The following ANXA6 variants were observed in gnomAD, a reference collection of about 807,000 sequenced individuals.
ANXA6 encodes the protein 67 kDa calelectrin.
ANXA6 carries 71 observed loss-of-function variants against 95.4 expected under a neutral mutation model. The ratio of observed to expected loss-of-function variants is 0.74; its 90% confidence interval spans 0.61 to 0.91. The LOEUF (loss-of-function observed/expected upper bound fraction) is 0.91, where lower values mean the gene tolerates loss of function less well. ANXA6 is among the 40% of genes least tolerant of loss of function. ANXA6 has a pLI of 0.00. For missense variants in ANXA6, 830 were observed against 876.4 expected (o/e 0.95, Z 0.67); for synonymous variants, 289 against 315.9 (o/e 0.91, Z 0.90).
chr5:151,108,179 A>G (rs957008501), intron 23 of ANXA6, among the ~76,000 whole-genome samples: 1 of 151,460 alleles, frequency 6.6e-6, no homozygotes, highest in African/African-American at 2.4e-5. Context: ...GTGTGTATAC[A>G]CCCTAGTTGT....
chr5:151,151,485 C>T (rs1027135829), intron 1 of ANXA6: 1 of 152,190 alleles, frequency 6.6e-6, no homozygotes, highest in Admixed American at 6.5e-5. Flanking sequence ...AGTCCCCACA[C>T]AACTGTGGGT....
Position 151,122,248 on chromosome 5 carries a change from C to T in ANXA6, c.1246G>A (p.Asp416Asn), listed in dbSNP as rs760463233. The change falls in exon 17 of 26, where the codon GAC (aspartate) becomes AAC (asparagine). Residue 416 changes from aspartate to asparagine, a missense_variant. By Grantham distance (23) the Asp-to-Asn change is conservative. Coordinates refer to ENST00000354546, the MANE Select transcript of ANXA6 (RefSeq NM_001155.5). ...TCTCCAGAGATCTCAGACTTCAGGT[C>T]AGTCATTAAGTCCTGCAAAGGGCAG... ...KSHFGRDLMTDLKSEISGDLA... is the reference protein window; with the variant it reads ...KSHFGRDLMTNLKSEISGDLA... 1.1e-4 allele frequency: 175 copies of T among 1,603,334 alleles called. No homozygotes were observed. The highest frequency in any genetic ancestry group is 1.7e-4 in the Middle Eastern group (1 of 6,060).
chr5:151,153,851 A>G (rs1321965449), intron 1 of ANXA6, among the ~76,000 whole-genome samples: 1 of 152,208 alleles, frequency 6.6e-6, no homozygotes, highest in Non-Finnish European at 1.5e-5. Flanking sequence ...TCATTGATTA[A>G]TAAGTAGAAC....
Position 151,138,774 on chromosome 5 carries a change from T to C in ANXA6, c.222A>G (p.Leu74=). 6.2e-7 allele frequency: 1 copy of C among 1,613,548 alleles called. No homozygotes were observed. The highest frequency in any genetic ancestry group is 2.2e-5 in the East Asian group (1 of 44,892). ...SLYGKDLIAD[L]KYELTGKFER... ...CAAACTTGCCCGTCAATTCATACTTTAAATCAGCAATGAGGTCCTGGCAGG... is the reference window on the plus strand; with the variant it reads ...CAAACTTGCCCGTCAATTCATACTTCAAATCAGCAATGAGGTCCTGGCAGG... The change falls in exon 5 of 26, where the codon TTA becomes TTG. Residue 74 remains leucine (L), a synonymous_variant. Coordinates refer to ENST00000354546, the MANE Select transcript of ANXA6 (RefSeq NM_001155.5).
intron 2 of ANXA6, among the ~76,000 whole-genome samples, chr5:151,142,404 G>A (rs1765861625): frequency 6.6e-6 from 1 of 152,036 alleles, no homozygotes; most frequent in Non-Finnish European, 1.5e-5. Flanking sequence ...CTTGAACCTG[G>A]GAGGCAGAGG....
chr5:151,127,789 CA>C (rs1296285035), intron 13 of ANXA6, among the ~76,000 whole-genome samples: 7 of 152,214 alleles, frequency 4.6e-5, no homozygotes, highest in Non-Finnish European at 8.8e-5. Flanking sequence ...GCACTTAACA[CA>C]AATATGCTGC....
At chr5:151,128,129 G>T in intron 13 of ANXA6, 52 bp downstream of exon 13, 1 of 1,504,216 alleles carries the variant, frequency 6.6e-7, no homozygotes, top group East Asian at 2.3e-5. Flanking sequence ...GAGAGTCCCC[G>T]CCTGGCACCC....
chr5:151,136,387 T>C (rs2113939166), intron 6 of ANXA6, 52 bp from the exon 7 acceptor site: 4 of 1,554,918 alleles, frequency 2.6e-6, no homozygotes, highest in South Asian at 2.2e-5. Flanking sequence ...CTCAGGGATC[T>C]AGGATAAAGG....
intron 24 of ANXA6, among the ~76,000 whole-genome samples, chr5:151,104,797 C>G (rs528653428): frequency 3.3e-5 from 5 of 152,186 alleles, no homozygotes. Flanking sequence ...TCCTAGGAGA[C>G]CCTGTGTCCC....
chr5:151,113,566 C>A (rs1463550356), intron 20 of ANXA6, among the ~76,000 whole-genome samples: 1 of 152,068 alleles, frequency 6.6e-6, no homozygotes, highest in Non-Finnish European at 1.5e-5. Context: ...CCCAATTGTT[C>A]TCACTTACGC....
In ANXA6 at chr5:151,117,158, T is replaced by C. The variant is rs1388605857; in HGVS notation, c.1541A>G (p.Glu514Gly). ...ATCTTCCCGTGCCTGGTCCAGGTTT[T>C]CTCCTCCCTCCTCACGATGCCCCTG... Reference protein sequence around the residue: ...LATGHREEGGENLDQAREDAQ... With the variant: ...LATGHREEGGGNLDQAREDAQ... The change falls in exon 20 of 26, where the codon GAA becomes GGA. Residue 514 changes from glutamate (E) to glycine (G), a missense_variant. By Grantham distance (98) the Glu-to-Gly change is moderately conservative. Transcript: ENST00000354546. 1.3e-6 allele frequency: 2 copies of C among 1,594,280 alleles called. No homozygotes were observed. The highest frequency in any genetic ancestry group is 1.7e-6 in the Non-Finnish European group (2 of 1,168,920).
At position 151,110,563 on chromosome 5, in the gene ANXA6, G is replaced by A. The variant is rs17728406; in HGVS notation, c.1590+64C>T. 3.1e-3 allele frequency: 4,852 copies of A among 1,570,276 alleles called. 218 individuals are homozygous for A. The East Asian group carries it at 0.086, about 28-fold the overall frequency. On this transcript the variant is annotated intron_variant, in intron 21 of 25. Transcript: ENST00000354546. ...ATCACTGCTCGATACTGCCCCGCTCGGCCCAGTAAAGGCGGACTTTACTCA... is the reference window on the plus strand; with the variant it reads ...ATCACTGCTCGATACTGCCCCGCTCAGCCCAGTAAAGGCGGACTTTACTCA...
chr5:151,108,330 G>A (rs1295526145), intron 23 of ANXA6, 125 bp downstream of exon 23: 2 of 858,196 alleles, frequency 2.3e-6, no homozygotes, highest in African/African-American at 3.3e-5. Flanking sequence ...AGCACCCCTG[G>A]AGGCGAACTG....
At position 151,104,808 on chromosome 5, in the gene ANXA6, C is replaced by T. The variant is rs111528921; in HGVS notation, c.1839+437G>A. Reference sequence around the variant, plus strand: ...TTTGTCCTAGGAGACCCTGTGTCCCCGGATAGATTGTGAGCTCTGAGAGGG... The same window carrying T: ...TTTGTCCTAGGAGACCCTGTGTCCCTGGATAGATTGTGAGCTCTGAGAGGG... On this transcript the variant is annotated intron_variant, in intron 24 of 25. Transcript: ENST00000354546. 4.8e-4 allele frequency among the ~76,000 whole-genome samples: 73 copies of T among 152,242 alleles called. No homozygotes were observed. In the East Asian group the frequency reaches 6.6e-3, roughly 14 times the overall value.
intron 2 of ANXA6, among the ~76,000 whole-genome samples, chr5:151,146,322 C>T (rs1303589872): frequency 6.6e-6 from 1 of 152,148 alleles, no homozygotes; most frequent in African/African-American, 2.4e-5. Context: ...GTGAAAGTTC[C>T]ACCTTGGATT....
At chr5:151,124,143 G>C (rs1182679954) in intron 15 of ANXA6, 143 bp downstream of exon 15, 13 of 720,948 alleles carry the variant, frequency 1.8e-5, no homozygotes, top group Non-Finnish European at 2.6e-5. Flanking sequence ...CTGGGAGCTA[G>C]GAGGGTGGAA....
chr5:151,124,308 C>T lies in ANXA6; in HGVS notation c.1116G>A (p.Leu372=), dbSNP rs765598850. The T allele has an allele frequency of 6.2e-7, 1 of 1,613,672 alleles. No individual in the cohort carries two copies. The highest frequency in any genetic ancestry group is 1.1e-5 in the South Asian group (1 of 90,936). ...TACCGAGTCCCTTCATGGCTTTCCGCAGCGCTTTGGCATCTGCGTCAGGGT... is the reference window on the plus strand; with the variant it reads ...TACCGAGTCCCTTCATGGCTTTCCGTAGCGCTTTGGCATCTGCGTCAGGGT... The part of the protein sequence containing the change: ...DFNPDADAKA[L]RKAMKGLGTD... The change falls in exon 15 of 26, where the codon CTG becomes CTA. Residue 372 remains leucine (L), a synonymous_variant. Transcript: ENST00000354546.
chr5:151,127,548 C>G (rs1285839853), intron 13 of ANXA6, among the ~76,000 whole-genome samples: 1 of 152,230 alleles, frequency 6.6e-6, no homozygotes, highest in Non-Finnish European at 1.5e-5. Context: ...AACACTGTCC[C>G]CAGACCCTCT....
At chr5:151,133,510 G>A (rs747343504) in intron 8 of ANXA6, among the ~76,000 whole-genome samples, 35 of 152,154 alleles carry the variant, frequency 2.3e-4, no homozygotes, top group Non-Finnish European at 4.9e-4. Context: ...TTATCTTACC[G>A]AATACTGTAG....
Sources: gnomAD v4.1 joint callset for allele counts (sites outside exome capture counted in the v4.1 genomes callset) on GRCh38, gnomAD v4.1.1 for gene constraint, MANE v1.5 for transcripts, NCBI Gene and HGNC (gene_info 2026-07-23, HGNC 2026-07-21) for gene names.